Variants in LRP6 observed in about 807,000 individuals in gnomAD.
LRP6 encodes the protein LDL receptor related protein 6.
A neutral mutation model predicts 184.1 loss-of-function variants in LRP6; 43 were observed. The ratio of observed to expected loss-of-function variants is 0.23; its 90% CI spans 0.18 to 0.30. The LOEUF (loss-of-function observed/expected upper bound fraction) is 0.30. Ranked by LOEUF, LRP6 falls within the 10% of genes least tolerant of loss-of-function variation. LRP6 has a pLI of 1.00. For synonymous variants in LRP6, 719 were observed against 684.9 expected (o/e 1.05, Z -0.78); for missense variants, 1,571 against 2,005.3 (o/e 0.78, Z 4.14).
chr12:12,176,843 CTTT>C (rs71435897), intron 7 of LRP6, among the ~76,000 whole-genome samples: 28 of 103,092 alleles, frequency 2.7e-4, no homozygotes, highest in Admixed American at 5.4e-4. Context: ...TGAGCCCAAA[CTTT>C]TTTTTTTTTT....
chr12:12,149,560 T>C (rs1232922966), intron 13 of LRP6, among the ~76,000 whole-genome samples: 2 of 152,202 alleles, frequency 1.3e-5, no homozygotes, highest in East Asian at 3.9e-4. Context: ...TGGCAATGTA[T>C]GAAGACATTT....
At chr12:12,256,429 G>A (rs1302308344) in intron 1 of LRP6, among the ~76,000 whole-genome samples, 1 of 151,932 alleles carries the variant, frequency 6.6e-6, no homozygotes, top group Non-Finnish European at 1.5e-5. Flanking sequence ...AGGATCACCG[G>A]AGCCTGGGAA....
chr12:12,127,196 T>C (rs1342439812), intron 19 of LRP6, among the ~76,000 whole-genome samples: 5 of 152,182 alleles, frequency 3.3e-5, no homozygotes, highest in Non-Finnish European at 7.4e-5. Context: ...GAAACAAAGA[T>C]GGTAAATGAA....
intron 1 of LRP6, among the ~76,000 whole-genome samples, chr12:12,264,720 T>C (rs930185644): frequency 2.6e-5 from 4 of 152,144 alleles, no homozygotes; most frequent in African/African-American, 9.7e-5. Flanking sequence ...AATTCTAAAT[T>C]ATGAACAAAA....
chr12:12,219,320 C>T lies in LRP6; in HGVS notation c.450-15920G>A, dbSNP rs368452071. Among the ~76,000 whole-genome samples, 9 of 152,184 alleles carry T rather than the reference C, an allele frequency of 5.9e-5. No homozygotes were observed. The East Asian group carries it at 1.3e-3, about 23-fold the overall frequency. On this transcript the variant is annotated intron_variant, in intron 2 of 22. Transcript: ENST00000261349. ...CCCGGGGTTCAAACGATTCTCCTGC[C>T]TCAGCCTCCCAAGTAGCTGGGACTA...
intron 14 of LRP6, among the ~76,000 whole-genome samples, chr12:12,147,946 G>C (rs1950032497): frequency 6.6e-6 from 1 of 151,592 alleles, no homozygotes; most frequent in Admixed American, 6.6e-5. Context: ...CTGCACTCTA[G>C]CCTGGGTGAT....
At chr12:12,200,343 T>C (rs1255605040) in intron 3 of LRP6, among the ~76,000 whole-genome samples, 6 of 152,206 alleles carry the variant, frequency 3.9e-5, no homozygotes, top group Non-Finnish European at 8.8e-5. Flanking sequence ...CAACAAGCCA[T>C]GGTTTCAGCT....
chr12:12,228,293 G>A (rs1198045814), intron 2 of LRP6, among the ~76,000 whole-genome samples: 1 of 152,148 alleles, frequency 6.6e-6, no homozygotes, highest in Non-Finnish European at 1.5e-5. Flanking sequence ...GAACCCGGGA[G>A]GCGGAGGTTG....
Position 12,230,220 on chromosome 12 carries a change from CAAACTGAT to C in LRP6, c.449+14034_449+14041del, listed in dbSNP as rs1012308373. Among the ~76,000 whole-genome samples the C allele has an allele frequency of 2.0e-3, 301 of 152,238 alleles. 3 individuals are homozygous for C. Among genetic ancestry groups the C allele is most frequent in the African/African-American group, 6.9e-3 (286 of 41,544 alleles). ...TTATGCCAGGAAAATAAAAATATCT[CAAACTGAT>C]AATAAGACTAGACACACAAGCCATT... On this transcript the variant is annotated intron_variant, in intron 2 of 22. Transcript: ENST00000261349.
Position 12,266,933 on chromosome 12 carries a change from G to C in LRP6, c.-198C>G. 7 of 587,510 alleles carry C rather than the reference G, an allele frequency of 1.2e-5. No individual in the cohort carries two copies. The South Asian group carries it at 1.2e-4, about 10-fold the overall frequency. The allele number at this position is 587,510 out of a possible 1,614,324, so 36.4% of individuals were successfully genotyped here. A position where few individuals can be genotyped will look rare whatever the true frequency, so the allele number is the denominator to read the frequency against. Reference sequence around the variant, plus strand: ...TCTCTACCGCGCCGCTCGGCCCCGGGCTCGCGCGACGCCAGCGTCTGCTTC... The same window carrying C: ...TCTCTACCGCGCCGCTCGGCCCCGGCCTCGCGCGACGCCAGCGTCTGCTTC... On this transcript the variant is annotated 5_prime_UTR_variant, in exon 1 of 23. Transcript: ENST00000261349.
At chr12:12,229,551 GGTT>G (rs1214989557) in intron 2 of LRP6, among the ~76,000 whole-genome samples, 1 of 152,074 alleles carries the variant, frequency 6.6e-6, no homozygotes, top group African/African-American at 2.4e-5. Flanking sequence ...GAGCAGGTTT[GGTT>G]GTTTTGTTTT....
intron 2 of LRP6, among the ~76,000 whole-genome samples, chr12:12,228,404 C>G (rs748525575): frequency 5.9e-5 from 9 of 152,096 alleles, no homozygotes; most frequent in Non-Finnish European, 1.3e-4. Context: ...GAGATAAATG[C>G]TATGCCTAAA....
At chr12:12,186,437 G>T (rs1022770420) in intron 4 of LRP6, among the ~76,000 whole-genome samples, 2 of 152,044 alleles carry the variant, frequency 1.3e-5, no homozygotes, top group African/African-American at 4.8e-5. Context: ...GGAGTGCAGT[G>T]GCACAATCTC....
At chr12:12,197,856 A>G (rs770533326) in intron 3 of LRP6, among the ~76,000 whole-genome samples, 17 of 152,214 alleles carry the variant, frequency 1.1e-4, no homozygotes, top group Non-Finnish European at 2.1e-4. Context: ...CCAGCTGGGC[A>G]ACATGATGAA....
chr12:12,262,620 TCCAAAAC>T (rs1363725460), intron 1 of LRP6, among the ~76,000 whole-genome samples: 1 of 151,600 alleles, frequency 6.6e-6, no homozygotes, highest in Admixed American at 6.6e-5. Context: ...CCGATGGTAT[TCCAAAAC>T]CTATATTCTT....
intron 2 of LRP6, among the ~76,000 whole-genome samples, chr12:12,242,791 T>C (rs1390065347): frequency 6.6e-6 from 1 of 152,154 alleles, no homozygotes; most frequent in African/African-American, 2.4e-5. Context: ...TTTCCAGACA[T>C]CTCCCTCTAA....
chr12:12,119,986 ACAAAATATATATAT>A lies in LRP6; in HGVS notation c.*1126_*1139del, dbSNP rs1478217211. The A allele has an allele frequency of 2.5e-4, 27 of 109,546 alleles. No homozygotes were observed. Among genetic ancestry groups the A allele is most frequent in the African/African-American group, 7.4e-4 (22 of 29,852 alleles). 6.8% of individuals were successfully genotyped at this position (109,546 alleles called of 1,614,324 possible). A position where few individuals can be genotyped will look rare whatever the true frequency, so the allele number is the denominator to read the frequency against. On this transcript the variant is annotated 3_prime_UTR_variant, in exon 23 of 23. Coordinates refer to ENST00000261349, the MANE Select transcript of LRP6 (RefSeq NM_002336.3). ...TTTTACTCAGAAAACAAACAAACAAACAAAATATATATATATATATATATATATATATATATATA... is the reference window on the plus strand; with the variant it reads ...TTTTACTCAGAAAACAAACAAACAAAATATATATATATATATATATATATA...
At chr12:12,254,049 T>C (rs1379703107) in intron 1 of LRP6, among the ~76,000 whole-genome samples, 1 of 137,572 alleles carries the variant, frequency 7.3e-6, no homozygotes, top group African/African-American at 2.7e-5. Flanking sequence ...GAGGCTGAGA[T>C]GGGAGGATCA....
At chr12:12,256,978 C>A (rs1481887386) in intron 1 of LRP6, among the ~76,000 whole-genome samples, 1 of 151,346 alleles carries the variant, frequency 6.6e-6, no homozygotes, top group Non-Finnish European at 1.5e-5. Flanking sequence ...CATGAATGAA[C>A]CCTGAAAATG....
Sources: gnomAD v4.1 joint callset for allele counts (sites outside exome capture counted in the v4.1 genomes callset) on GRCh38, gnomAD v4.1.1 for gene constraint, MANE v1.5 for transcripts, NCBI Gene and HGNC (gene_info 2026-07-23, HGNC 2026-07-21) for gene names.